PAX7: variants seen among roughly 807,000 people sequenced by gnomAD.
PAX7 encodes paired box 7.
PAX7 carries 18 observed loss-of-function variants against 50.7 expected under a neutral mutation model. The observed-to-expected ratio is 0.36, with a 90% confidence interval of 0.25 to 0.53. The LOEUF (loss-of-function observed/expected upper bound fraction) is 0.53, where lower values mean the gene tolerates loss of function less well. PAX7 is among the 20% of genes least tolerant of loss of function. The pLI is 0.93. For synonymous variants in PAX7, 310 were observed against 290.4 expected (o/e 1.07, Z -0.69); for missense variants, 644 against 702.9 (o/e 0.92, Z 0.95).
At chr1:18,691,289 T>G (rs1321778490) in intron 4 of PAX7, among the ~76,000 whole-genome samples, 1 of 152,156 alleles carries the variant, frequency 6.6e-6, no homozygotes, top group Non-Finnish European at 1.5e-5. Context: ...GCCTTTTTCT[T>G]AAAGTCAGGA....
chr1:18,643,901 C>T (rs952501595), intron 4 of PAX7, among the ~76,000 whole-genome samples: 4 of 152,108 alleles, frequency 2.6e-5, no homozygotes, highest in Admixed American at 6.5e-5. Flanking sequence ...TGGGCAGGGG[C>T]CAGCCCGCGT....
chr1:18,713,514 A>G (rs1046577902), intron 7 of PAX7, among the ~76,000 whole-genome samples: 12 of 152,232 alleles, frequency 7.9e-5, no homozygotes, highest in African/African-American at 2.7e-4. Flanking sequence ...GAATATCATT[A>G]CATATGATTC....
intron 4 of PAX7, among the ~76,000 whole-genome samples, chr1:18,657,739 G>A (rs774119274): frequency 1.3e-5 from 2 of 152,038 alleles, no homozygotes; most frequent in African/African-American, 2.4e-5. Flanking sequence ...CCTTTAAAGC[G>A]GAGTGTCTGC....
In PAX7 at chr1:18,726,887, C is replaced by T. The variant is rs2089578614; in HGVS notation, c.1156-8745C>T. Among the ~76,000 whole-genome samples the T allele has an allele frequency of 6.6e-6, 1 of 152,148 alleles. No homozygotes were observed. Among genetic ancestry groups the T allele is most frequent in the South Asian group, 2.1e-4 (1 of 4,826 alleles). ...AGGGTTGTGGGTGGCTAGCCCCCAC[C>T]CTGGTCAGAGATGGCAGTCAATGAC... On this transcript the variant is annotated intron_variant, in intron 7 of 8. Transcript: ENST00000420770. The surrounding 1 kb of genome is among the most constrained non-coding windows in gnomAD (Gnocchi z 4.8).
chr1:18,669,724 G>C (rs1003521995), intron 4 of PAX7, among the ~76,000 whole-genome samples: 1 of 152,196 alleles, frequency 6.6e-6, no homozygotes, highest in African/African-American at 2.4e-5. Flanking sequence ...TAGAAGCTTT[G>C]AGACGTGGAC....
chr1:18,681,050 C>T (rs11800722), intron 4 of PAX7, among the ~76,000 whole-genome samples: 10 of 150,998 alleles, frequency 6.6e-5, no homozygotes, highest in African/African-American at 2.4e-4. Context: ...GCCTGTAATC[C>T]CAGCTACTCG....
intron 5 of PAX7, among the ~76,000 whole-genome samples, chr1:18,695,550 G>C (rs888275825): frequency 6.6e-6 from 1 of 152,234 alleles, no homozygotes; most frequent in Non-Finnish European, 1.5e-5. Context: ...GCAGGGGCCA[G>C]GAGCCTCTGC....
chr1:18,651,630 G>A (rs1343727297), intron 4 of PAX7, among the ~76,000 whole-genome samples: 6 of 152,150 alleles, frequency 3.9e-5, no homozygotes, highest in Non-Finnish European at 4.4e-5. Flanking sequence ...CTGTGAATCC[G>A]CAGAATTAAT....
intron 4 of PAX7, among the ~76,000 whole-genome samples, chr1:18,656,199 A>G (rs2088516789): frequency 6.6e-6 from 1 of 152,212 alleles, no homozygotes; most frequent in Admixed American, 6.5e-5. Flanking sequence ...ATGATCTAAA[A>G]TGTAAGAGGC....
chr1:18,657,804 T>C (rs1557513813), intron 4 of PAX7, among the ~76,000 whole-genome samples: 2 of 150,578 alleles, frequency 1.3e-5, no homozygotes, highest in African/African-American at 4.9e-5. Flanking sequence ...GAATGCCCCC[T>C]AAAAAAAAAG....
At chr1:18,640,678 G>T (rs1034234571) in intron 4 of PAX7, among the ~76,000 whole-genome samples, 8 of 152,180 alleles carry the variant, frequency 5.3e-5, no homozygotes, top group African/African-American at 1.7e-4. Context: ...GAGTCCAGGC[G>T]GGATTTGAAG....
In PAX7 at chr1:18,634,488, C is replaced by T. The variant is rs1469161343; in HGVS notation, c.271C>T (p.Gln91Ter). The T allele has an allele frequency of 6.2e-7, 1 of 1,614,146 alleles. No individual in the cohort carries two copies. The highest frequency in any genetic ancestry group is 8.5e-7 in the Non-Finnish European group (1 of 1,180,042). ...GCVSKILCRY[Q>*]ETGSIRPGAI... is the part of the protein sequence containing the mutation. ...CGTCTCCAAGATTCTTTGCCGCTAC[C>T]AGGAGACCGGGTCCATCCGGCCTGG... is the stretch of plus-strand genomic sequence containing the variant. Residue 91 changes from glutamine (Q) to a stop codon, truncating the protein, a stop_gained, in exon 2 of 9, where the codon CAG becomes TAG. Transcript: ENST00000420770. LOFTEE classifies it high-confidence loss of function. The surrounding 1 kb of genome is among the most constrained non-coding windows in gnomAD (Gnocchi z 4.0).
rs2089243803 is a variant in PAX7, at chr1:18,703,184, C to A, written c.1043C>A (p.Thr348Asn). 1 of 1,613,346 alleles carries A rather than the reference C, an allele frequency of 6.2e-7. No individual in the cohort carries two copies. Among genetic ancestry groups the A allele is most frequent in the Non-Finnish European group, 8.5e-7 (1 of 1,179,906 alleles). The change falls in exon 7 of 9, where the codon ACC (threonine) becomes AAC (asparagine). Residue 348 changes from threonine (T) to asparagine (N), a missense_variant. Physicochemically the swap from Thr to Asn is moderately conservative, Grantham distance 65. Coordinates refer to ENST00000420770, the MANE Select transcript of PAX7 (RefSeq NM_001135254.2). ...GLAAAAAAADTSSAYGARHSF... is the reference protein window; with the variant it reads ...GLAAAAAAADNSSAYGARHSF... ...GCTGCAGCGGCTGCAGCCGCCGACA[C>A]CAGCTCTGCCTACGGAGCCCGCCAC...
At chr1:18,669,328 C>T (rs561820536) in intron 4 of PAX7, among the ~76,000 whole-genome samples, 73 of 152,278 alleles carry the variant, frequency 4.8e-4, no homozygotes, top group African/African-American at 1.7e-3. Context: ...TTTAGAGCTC[C>T]ACAGCTGGTG....
chr1:18,702,174 A>T (rs1031412242), intron 6 of PAX7, among the ~76,000 whole-genome samples: 5 of 100,188 alleles, frequency 5.0e-5, no homozygotes, highest in African/African-American at 2.3e-4. Flanking sequence ...TCTACTAAAA[A>T]TACAAAAAAA....
intron 7 of PAX7, among the ~76,000 whole-genome samples, chr1:18,707,675 T>G (rs988540337): frequency 6.6e-6 from 1 of 152,152 alleles, no homozygotes; most frequent in African/African-American, 2.4e-5. Context: ...TCCACCCACC[T>G]CAGCCTCCCA....
At chr1:18,689,879 G>A (rs568788593) in intron 4 of PAX7, among the ~76,000 whole-genome samples, 95 of 152,306 alleles carry the variant, frequency 6.2e-4, no homozygotes, top group African/African-American at 1.9e-3. Context: ...TTTTTGTTGC[G>A]GGGAGGAGGG....
intron 4 of PAX7, among the ~76,000 whole-genome samples, chr1:18,684,540 A>G (rs2088947220): frequency 6.6e-6 from 1 of 152,204 alleles, no homozygotes; most frequent in Non-Finnish European, 1.5e-5. Flanking sequence ...ACAGCTGAGC[A>G]GTTCCCTCGG....
At chr1:18,687,729 C>G (rs970361328) in intron 4 of PAX7, among the ~76,000 whole-genome samples, 1 of 152,092 alleles carries the variant, frequency 6.6e-6, no homozygotes, top group African/African-American at 2.4e-5. Context: ...CCTCCCCACT[C>G]AGTGTCCAGA....
Sources: allele counts gnomAD v4.1 joint callset (sites outside exome capture counted in the v4.1 genomes callset), GRCh38; gene constraint gnomAD v4.1.1; non-coding constraint Gnocchi (gnomAD v3.1); transcripts MANE v1.5; gene names NCBI Gene and HGNC (gene_info 2026-07-23, HGNC 2026-07-21).